Variants in MAPRE2 observed in about 807,000 individuals in gnomAD.
The protein encoded by MAPRE2 is microtubule-associated protein RP/EB family member 2.
In MAPRE2, 13 loss-of-function variants were observed where a neutral mutation model predicts 43.2. That is an observed-to-expected ratio of 0.30 (90% CI 0.20 to 0.48). The LOEUF (loss-of-function observed/expected upper bound fraction) is 0.48. Ranked by LOEUF, MAPRE2 falls within the 20% of genes least tolerant of loss-of-function variation. The pLI, the probability that MAPRE2 is intolerant of heterozygous loss-of-function variation, is 0.99. For synonymous variants in MAPRE2, 135 were observed against 148.8 expected (o/e 0.91, Z 0.68); for missense variants, 161 against 400.2 (o/e 0.40, Z 5.10).
At chr18:35,070,832 T>G (rs1907081292) in intron 2 of MAPRE2, among the ~76,000 whole-genome samples, 1 of 152,214 alleles carries the variant, frequency 6.6e-6, no homozygotes, top group Admixed American at 6.5e-5. Flanking sequence ...TTCCCTTTTG[T>G]ATCCCATAGC....
chr18:35,115,495 G>A (rs891132888), intron 4 of MAPRE2, among the ~76,000 whole-genome samples: 1 of 152,074 alleles, frequency 6.6e-6, no homozygotes, highest in Non-Finnish European at 1.5e-5. Context: ...TACCCAATAT[G>A]TACTCTTTTA....
intron 2 of MAPRE2, among the ~76,000 whole-genome samples, chr18:35,008,307 G>A (rs1439734582): frequency 6.6e-6 from 1 of 152,074 alleles, no homozygotes; most frequent in Non-Finnish European, 1.5e-5. Context: ...AATCAGTCAC[G>A]TTAAGGAAAA....
At chr18:35,005,485 A>C (rs769974129) in intron 1 of MAPRE2, 1 of 1,519,734 alleles carries the variant, frequency 6.6e-7, no homozygotes, top group South Asian at 1.3e-5. Context: ...CATTTTTACT[A>C]TCCCAGTGTC....
At chr18:35,078,625 G>A (rs1907485344) in intron 2 of MAPRE2, among the ~76,000 whole-genome samples, 1 of 152,204 alleles carries the variant, frequency 6.6e-6, no homozygotes, top group Admixed American at 6.5e-5. Flanking sequence ...ATTGCTGTAT[G>A]TGTGGCAGCT....
chr18:34,994,056 A>G (rs1045887821), intron 1 of MAPRE2, among the ~76,000 whole-genome samples: 2 of 146,988 alleles, frequency 1.4e-5, no homozygotes, highest in African/African-American at 5.1e-5. Flanking sequence ...TGTTTATAGC[A>G]CATCATTTGC....
chr18:35,035,197 C>T (rs1434034264), intron 2 of MAPRE2, among the ~76,000 whole-genome samples: 6 of 151,126 alleles, frequency 4.0e-5, no homozygotes, highest in African/African-American at 9.7e-5. Context: ...AAATGATGAG[C>T]TCATGTCCTT....
At chr18:35,050,553 A>C (rs1905885407) in intron 1 of MAPRE2, among the ~76,000 whole-genome samples, 1 of 152,200 alleles carries the variant, frequency 6.6e-6, no homozygotes. Flanking sequence ...TGTGAATCTT[A>C]CACTAACTGC....
intron 1 of MAPRE2, among the ~76,000 whole-genome samples, chr18:34,983,538 CT>C (rs1426064037): frequency 2.0e-5 from 3 of 152,148 alleles, no homozygotes; most frequent in Non-Finnish European, 4.4e-5. Flanking sequence ...GATTTAGAAA[CT>C]TTTTATTCAC....
At chr18:34,985,714 CAT>C (rs1389109895) in intron 1 of MAPRE2, among the ~76,000 whole-genome samples, 1 of 82,744 alleles carries the variant, frequency 1.2e-5, no homozygotes, top group African/African-American at 3.8e-5. Context: ...AAATATATAT[CAT>C]ATAATATGTA....
chr18:35,041,351 C>T (rs1466412718), upstream of MAPRE2: 2 of 1,439,802 alleles, frequency 1.4e-6, no homozygotes, highest in Non-Finnish European at 1.8e-6. Flanking sequence ...CTGCTGCCGG[C>T]GCTCTGACGT....
chr18:34,983,914 G>A lies in MAPRE2; in HGVS notation c.-70+6835G>A, dbSNP rs558855292. On this transcript the variant is annotated intron_variant, in intron 1 of 7. Coordinates refer to the MAPRE2 transcript ENST00000413393. ...TTAAGTGCTGGGATTACAGGCATAA[G>A]CCACAGTGTCTGGCCTGGAAATAGC... Among the ~76,000 whole-genome samples, 13 of 152,292 alleles carry A rather than the reference G, an allele frequency of 8.5e-5. No homozygotes were observed. In the South Asian group the frequency reaches 1.7e-3, roughly 19 times the overall value.
chr18:34,994,780 T>A (rs1051108549), intron 1 of MAPRE2, among the ~76,000 whole-genome samples: 12 of 152,214 alleles, frequency 7.9e-5, no homozygotes, highest in African/African-American at 1.4e-4. Context: ...AGCAGCTCTT[T>A]AAGGAGCTGT....
intron 1 of MAPRE2, among the ~76,000 whole-genome samples, chr18:34,979,675 A>G (rs2097015064): frequency 6.6e-6 from 1 of 152,186 alleles, no homozygotes; most frequent in South Asian, 2.1e-4. Flanking sequence ...TTTTGCATAC[A>G]AAAAAGTCAA....
rs1910610246 is a variant in MAPRE2, at chr18:35,141,010, A to G, written c.*641A>G. ...GGCCCAGCAGTGTTCCTCCATCAGC[A>G]TGTTAGACAACTACACAGTATGTTG... On this transcript the variant is annotated 3_prime_UTR_variant, in exon 7 of 7. Coordinates refer to ENST00000300249, the MANE Select transcript of MAPRE2 (RefSeq NM_014268.4). 1 of 152,276 alleles carries G rather than the reference A, an allele frequency of 6.6e-6. No individual in the cohort carries two copies. Among genetic ancestry groups the G allele is most frequent in the African/African-American group, 2.4e-5 (1 of 41,424 alleles). The allele number at this position is 152,276 out of a possible 1,614,324, so 9.4% of individuals were successfully genotyped here. A position where few individuals can be genotyped will look rare whatever the true frequency, so the allele number is the denominator to read the frequency against.
chr18:34,978,560 A>G lies in MAPRE2; in HGVS notation c.-70+1481A>G, dbSNP rs1346689599. ...TCAAAAGGTAATCTGAAGAATGGCA[A>G]CATTTCCCCTGCTTCTCCTGAACGC... On this transcript the variant is annotated intron_variant, in intron 1 of 7. Transcript: ENST00000413393. The G allele has an allele frequency of 8.4e-6, 13 of 1,551,358 alleles. No individual in the cohort carries two copies. The Admixed American group carries it at 2.6e-4, about 30-fold the overall frequency.
In MAPRE2 at chr18:35,127,023, C is replaced by A. The variant is rs762849644; in HGVS notation, c.686C>A (p.Ser229Tyr). 6.2e-6 allele frequency: 10 copies of A among 1,614,040 alleles called. No homozygotes were observed. The East Asian group carries it at 2.2e-4, about 36-fold the overall frequency. Residue 229 changes from serine to tyrosine, a missense_variant, in exon 5 of 7, where the codon TCC (serine) becomes TAC (tyrosine). Physicochemically the swap from Ser to Tyr is moderately radical, Grantham distance 144. Coordinates refer to ENST00000300249, the MANE Select transcript of MAPRE2 (RefSeq NM_014268.4). ...CCCTCATCAGCCAAAAGGGCTTCTTCCAGTGGCTCAGCATCCAAATCCGAT... is the reference window on the plus strand; with the variant it reads ...CCCTCATCAGCCAAAAGGGCTTCTTACAGTGGCTCAGCATCCAAATCCGAT... ...SRPSSAKRASSSGSASKSDKD... is the reference protein window; with the variant it reads ...SRPSSAKRASYSGSASKSDKD...
chr18:35,041,221 G>T, upstream of MAPRE2: 1 of 892,326 alleles, frequency 1.1e-6, no homozygotes, highest in Non-Finnish European at 1.5e-6. Flanking sequence ...CCAGATGTAG[G>T]CCTGCCCCGG....
At chr18:35,132,369 G>A (rs1046902540) in intron 6 of MAPRE2, among the ~76,000 whole-genome samples, 179 bp downstream of exon 6, 1 of 152,226 alleles carries the variant, frequency 6.6e-6, no homozygotes, top group Non-Finnish European at 1.5e-5. Context: ...ATTGACCCAT[G>A]CCTGTGGGAC....
chr18:35,083,534 C>T (rs992250812), intron 2 of MAPRE2, among the ~76,000 whole-genome samples: 1 of 152,224 alleles, frequency 6.6e-6, no homozygotes, highest in Non-Finnish European at 1.5e-5. Flanking sequence ...CAGTATCAGC[C>T]TCCCTGGAAG....
Sources: gnomAD v4.1 joint callset for allele counts (sites outside exome capture counted in the v4.1 genomes callset) on GRCh38, gnomAD v4.1.1 for gene constraint, MANE v1.5 for transcripts, NCBI Gene and HGNC (gene_info 2026-07-23, HGNC 2026-07-21) for gene names.